The following CIZ1 variants were observed in gnomAD, a reference collection of about 807,000 sequenced individuals.
CIZ1 encodes the protein cip1-interacting zinc finger protein.
Under a neutral mutation model 118.6 loss-of-function variants are expected in CIZ1, and 58 were observed. That is an observed-to-expected ratio of 0.49 (90% confidence interval 0.40 to 0.61). CIZ1 has a LOEUF of 0.61. Ranked by LOEUF, CIZ1 falls within the 20% of genes least tolerant of loss-of-function variation. CIZ1 has a pLI of 0.00. For missense variants in CIZ1, 921 were observed against 1,115.9 expected (o/e 0.83, Z 2.49); for synonymous variants, 448 against 443.4 (o/e 1.01, Z -0.13).
In CIZ1 at chr9:128,168,337, G is replaced by A. The variant is rs542763196; in HGVS notation, c.2295+715C>T. ...TCGAGACCAGCCTGGCCAATATGGT[G>A]AAACCCCGTCTCTACTAAAAATACA... On this transcript the variant is annotated intron_variant, in intron 14 of 16. Transcript: ENST00000372938. 1.2e-4 allele frequency among the ~76,000 whole-genome samples: 18 copies of A among 152,190 alleles called. No homozygotes were observed. The East Asian group carries it at 3.1e-3, about 26-fold the overall frequency.
At chr9:128,186,269 C>T (rs763373001) in intron 4 of CIZ1, among the ~76,000 whole-genome samples, 13 of 152,058 alleles carry the variant, frequency 8.5e-5, no homozygotes, top group Admixed American at 3.3e-4. Flanking sequence ...TTATCTCTAC[C>T]GATGACAAAA....
chr9:128,178,554 G>A (rs577149740), intron 8 of CIZ1, 64 bp from the exon 9 acceptor site: 341 of 1,610,782 alleles, frequency 2.1e-4, no homozygotes, highest in Non-Finnish European at 2.8e-4. Context: ...TTCTCCGTCC[G>A]CAGCCAGAAC....
intron 11 of CIZ1, 34 bp downstream of exon 11, chr9:128,176,317 C>T (rs1237335046): frequency 3.1e-6 from 5 of 1,609,908 alleles, no homozygotes; most frequent in Non-Finnish European, 4.2e-6. Context: ...ACTGCCTACC[C>T]CCCAACACAG....
At chr9:128,171,158 G>A (rs548053058) in intron 11 of CIZ1, among the ~76,000 whole-genome samples, 7 of 152,050 alleles carry the variant, frequency 4.6e-5, no homozygotes, top group South Asian at 2.1e-4. Context: ...GGGGCCAGTC[G>A]CAGTGGCTCA....
intron 11 of CIZ1, among the ~76,000 whole-genome samples, chr9:128,172,047 T>C (rs1390906178): frequency 6.7e-6 from 1 of 148,254 alleles, no homozygotes; most frequent in Non-Finnish European, 1.5e-5. Context: ...ATCCCAGCAC[T>C]TTGGGAGGAG....
intron 12 of CIZ1, 176 bp from the exon 13 acceptor site, chr9:128,169,695 G>A: frequency 6.5e-7 from 1 of 1,536,490 alleles, no homozygotes; most frequent in Non-Finnish European, 8.7e-7. Flanking sequence ...TTCGTGGTGT[G>A]GGTGGCTGAG....
intron 5 of CIZ1, 87 bp downstream of exon 5, chr9:128,185,460 A>C: frequency 3.6e-6 from 3 of 828,594 alleles, no homozygotes; most frequent in Non-Finnish European, 5.6e-6. Flanking sequence ...GACCTGTCCG[A>C]AGGCCCAGAC....
At chr9:128,194,723 C>T (rs1355977788), upstream of CIZ1, among the ~76,000 whole-genome samples, 1 of 152,074 alleles carries the variant, frequency 6.6e-6, no homozygotes, top group Non-Finnish European at 1.5e-5. Context: ...GAGACTGAGG[C>T]AGGAGAATCG....
intron 5 of CIZ1, 145 bp downstream of exon 5, chr9:128,185,402 C>T (rs1029142581): frequency 2.5e-5 from 12 of 483,774 alleles, no homozygotes; most frequent in East Asian, 2.0e-4. Flanking sequence ...AGTCCATTCC[C>T]GCCCCCCTCA....
intron 4 of CIZ1, among the ~76,000 whole-genome samples, chr9:128,186,729 G>A (rs530005102): frequency 6.6e-6 from 1 of 152,028 alleles, no homozygotes; most frequent in African/African-American, 2.4e-5. Context: ...CTATATTCCA[G>A]TCACATGTCC....
At position 128,177,608 on chromosome 9, in the gene CIZ1, C is replaced by T; in HGVS notation, c.1776G>A (p.Gln592=). The change falls in exon 10 of 17, where the codon CAG becomes CAA. Residue 592 remains glutamine, a synonymous_variant. Transcript: ENST00000372938. ...TGGCCTTGCAGATGTAGCAGAAGAA[C>T]TGGAGGGCCTGCTTAGAGGGAGTGC... ...ATSTPSKQAL[Q]FFCYICKASC... 2 of 1,372,394 alleles carry T rather than the reference C, an allele frequency of 1.5e-6. No individual in the cohort carries two copies. The highest frequency in any genetic ancestry group is 2.2e-5 in the Admixed American group (1 of 45,416). 85.0% of individuals were successfully genotyped at this position (1,372,394 alleles called of 1,614,324 possible).
At chr9:128,170,753 C>T (rs1054444079) in intron 11 of CIZ1, among the ~76,000 whole-genome samples, 6 of 152,196 alleles carry the variant, frequency 3.9e-5, no homozygotes, top group Admixed American at 6.5e-5. Context: ...GGAGAAGAAA[C>T]GCCTTCTGCT....
In CIZ1 at chr9:128,201,270, AAAAC is replaced by A. The variant is rs561382327; in HGVS notation, c.-6+2912_-6+2915del. On this transcript the variant is annotated intron_variant, in intron 1 of 17. Transcript: ENST00000372948. Reference sequence around the variant, plus strand: ...GTAACAGAGCGAGATTCCGTCTCAAAAAACAAACAAACAAACAAAAAATACAAAA... The same window carrying A: ...GTAACAGAGCGAGATTCCGTCTCAAAAAACAAACAAACAAAAAATACAAAA... Among the ~76,000 whole-genome samples, 38 of 151,268 alleles carry A rather than the reference AAAAC, an allele frequency of 2.5e-4. No individual in the cohort carries two copies. In the South Asian group the frequency reaches 7.9e-3, roughly 32 times the overall value.
chr9:128,175,733 G>C (rs1009579219), intron 11 of CIZ1, among the ~76,000 whole-genome samples: 2 of 152,164 alleles, frequency 1.3e-5, no homozygotes, highest in Non-Finnish European at 2.9e-5. Context: ...AAAACTAAGA[G>C]ATCCAGAGAT....
rs775944277 is a variant in CIZ1 at position 128,179,260 on chromosome 9, A to G, written c.947T>C (p.Leu316Pro). Residue 316 changes from leucine to proline, a missense_variant, in exon 8 of 17, where the codon CTG (leucine) becomes CCG (proline). Physicochemically the swap from Leu to Pro is moderately conservative, Grantham distance 98. Coordinates refer to ENST00000372938, the MANE Select transcript of CIZ1 (RefSeq NM_001131016.2). Reference protein sequence around the residue: ...QVLPRFQPRVLQVQAQVQSQT... With the variant: ...QVLPRFQPRVPQVQAQVQSQT... ...TGACTGCACCTGGGCCTGGACCTGC[A>G]GGACCCGTGGCTGGAATCGTGGCAG... 6.2e-7 allele frequency: 1 copy of G among 1,614,142 alleles called. No individual in the cohort carries two copies. The highest frequency in any genetic ancestry group is 2.2e-5 in the East Asian group (1 of 44,870).
rs192252713 is a variant in CIZ1, at chr9:128,178,073, C to T, written c.1620+296G>A. Among the ~76,000 whole-genome samples, 83 of 152,276 alleles carry T rather than the reference C, an allele frequency of 5.5e-4. 1 individual carries two copies. Among genetic ancestry groups the T allele is most frequent in the African/African-American group, 1.9e-3 (80 of 41,548 alleles). ...CCCAAATCCCACAGAGAGGCTTCCA[C>T]TCTGTGCTCTCTCCACGAGAGCAAC... On this transcript the variant is annotated intron_variant, in intron 9 of 16. Transcript: ENST00000372938.
intron 14 of CIZ1, chr9:128,167,755 TCAGCCCTAG>T (rs1829610855): frequency 1.3e-5 from 2 of 154,434 alleles, no homozygotes; most frequent in African/African-American, 2.4e-5. Context: ...TCTGGCCGTG[TCAGCCCTAG>T]CAGGCCTAGC....
Position 128,166,502 on chromosome 9 carries a change from T to A in CIZ1, c.2488-96A>T. The A allele has an allele frequency of 8.9e-7, 1 of 1,117,706 alleles. No homozygotes were observed. The highest frequency in any genetic ancestry group is 1.6e-5 in the African/African-American group (1 of 63,634). 69.2% of individuals were successfully genotyped at this position (1,117,706 alleles called of 1,614,324 possible). A position where few individuals can be genotyped will look rare whatever the true frequency, so the allele number is the denominator to read the frequency against. ...TCCCCAGCTCTGGCTGAGACAGTAT[T>A]AGTGTGCTCTGTGACCCTGCGTGAT... On this transcript the variant is annotated intron_variant, in intron 16 of 16. Transcript: ENST00000372938. The surrounding 1 kb of genome is among the most constrained non-coding windows in gnomAD (Gnocchi z 4.4).
At chr9:128,176,874 C>T (rs1248024037) in intron 10 of CIZ1, among the ~76,000 whole-genome samples, 2 of 152,174 alleles carry the variant, frequency 1.3e-5, no homozygotes, top group African/African-American at 4.8e-5. Flanking sequence ...GCTGAATCCC[C>T]AGAACCACCC....
Sources: gnomAD v4.1 joint callset for allele counts (sites outside exome capture counted in the v4.1 genomes callset) on GRCh38, gnomAD v4.1.1 for gene constraint, Gnocchi (gnomAD v3.1) non-coding constraint, MANE v1.5 for transcripts, NCBI Gene and HGNC (gene_info 2026-07-23, HGNC 2026-07-21) for gene names.